The following TUT7 variants were observed in gnomAD, a reference collection of about 807,000 sequenced individuals.
The protein encoded by TUT7 is terminal uridylyltransferase 7.
TUT7 carries 33 observed loss-of-function variants against 165.9 expected under a neutral mutation model. The observed-to-expected ratio is 0.20, with a 90% CI of 0.15 to 0.27. The LOEUF is 0.27. Ranked by LOEUF, TUT7 falls within the 10% of genes least tolerant of loss-of-function variation. The pLI, the probability that TUT7 is intolerant of heterozygous loss-of-function variation, is 1.00. For synonymous variants in TUT7, 552 were observed against 608.1 expected (o/e 0.91, Z 1.36); for missense variants, 1,338 against 1,762.3 (o/e 0.76, Z 4.31).
intron 25 of TUT7, among the ~76,000 whole-genome samples, chr9:86,302,810 T>C (rs575035926): frequency 6.6e-6 from 1 of 152,018 alleles, no homozygotes; most frequent in Non-Finnish European, 1.5e-5. Flanking sequence ...GGTTTCACCA[T>C]GTGGGTCAGG....
In TUT7 at chr9:86,311,783, C is replaced by T. The variant is rs960227254; in HGVS notation, c.3275-974G>A. On this transcript the variant is annotated intron_variant, in intron 17 of 26. Coordinates refer to ENST00000375963, the MANE Select transcript of TUT7 (RefSeq NM_024617.4). The surrounding 1 kb of genome is among the most constrained non-coding windows in gnomAD (Gnocchi z 4.4). ...TGCAGGTGCGCGCCGCCACGCCTGA[C>T]TGGTTTTCGTATTTTTTTGGTGGAG... Among the ~76,000 whole-genome samples, 2 of 152,192 alleles carry T rather than the reference C, an allele frequency of 1.3e-5. No individual in the cohort carries two copies. Among genetic ancestry groups the T allele is most frequent in the Non-Finnish European group, 2.9e-5 (2 of 68,036 alleles).
rs140829511 is a variant in TUT7 at position 86,311,632 on chromosome 9, ACGGTCTCCCTCTGATGC to A, written c.3275-840_3275-824del. ...ACGGTCTCCCTCTCCCTCTCTTTCC[ACGGTCTCCCTCTGATGC>A]CGGTCTCCCTCTGATGCCGAGCCGA... On this transcript the variant is annotated intron_variant, in intron 17 of 26. Transcript: ENST00000375963. This position sits in a 1 kb window ranked among gnomAD's most constrained non-coding sequence, Gnocchi z 4.4. Among the ~76,000 whole-genome samples, 5 of 146,920 alleles carry A rather than the reference ACGGTCTCCCTCTGATGC, an allele frequency of 3.4e-5. No individual in the cohort carries two copies. The highest frequency in any genetic ancestry group is 5.1e-5 in the African/African-American group (2 of 39,220).
intron 26 of TUT7, chr9:86,298,738 C>T (rs762250464): frequency 5.2e-6 from 5 of 961,888 alleles, no homozygotes; most frequent in Non-Finnish European, 6.2e-6. Context: ...TAAAATAACA[C>T]ACATTTGTTT....
At chr9:86,345,211 C>T (rs1831651066) in intron 4 of TUT7, 57 bp from the exon 5 acceptor site, 1 of 1,525,558 alleles carries the variant, frequency 6.6e-7, no homozygotes, top group African/African-American at 1.4e-5. Flanking sequence ...TGACCTTCTA[C>T]CACTCATGAA....
chr9:86,351,112 GT>G (rs1309648718), intron 2 of TUT7, among the ~76,000 whole-genome samples: 1 of 146,748 alleles, frequency 6.8e-6, no homozygotes, highest in Non-Finnish European at 1.5e-5. Context: ...TCCAGCCTGG[GT>G]GACACAGTGA....
At chr9:86,301,143 C>T in intron 26 of TUT7, 133 bp downstream of exon 26, 1 of 864,450 alleles carries the variant, frequency 1.2e-6, no homozygotes, top group South Asian at 1.9e-5. Flanking sequence ...ATTTTACTTT[C>T]TTAAAAACAA....
At chr9:86,309,410 G>T in intron 20 of TUT7, 53 bp downstream of exon 20, 3 of 1,519,106 alleles carry the variant, frequency 2.0e-6, no homozygotes, top group Non-Finnish European at 2.7e-6. Context: ...GAGGAGAAAG[G>T]CTCAGAGATC....
At chr9:86,294,615 A>G (rs1000381661) in intron 26 of TUT7, among the ~76,000 whole-genome samples, 1 of 151,902 alleles carries the variant, frequency 6.6e-6, no homozygotes, top group Non-Finnish European at 1.5e-5. Context: ...GAAAAGGAAC[A>G]GTTTCATTCA....
intron 6 of TUT7, among the ~76,000 whole-genome samples, chr9:86,342,409 G>GT (rs1012370182): frequency 3.3e-5 from 5 of 152,162 alleles, no homozygotes; most frequent in South Asian, 2.1e-4. Context: ...TCAGTTTTTT[G>GT]TTTTTTTAAG....
At chr9:86,312,774 ATTC>A (rs947300877) in intron 17 of TUT7, among the ~76,000 whole-genome samples, 5 of 152,304 alleles carry the variant, frequency 3.3e-5, no homozygotes, top group African/African-American at 1.2e-4. Context: ...ACTAAGAAAA[ATTC>A]TTCTGCCTTG....
At position 86,323,702 on chromosome 9, in the gene TUT7, G is replaced by A; in HGVS notation, c.2048C>T (p.Thr683Ile). 2 of 1,614,016 alleles carry A rather than the reference G, an allele frequency of 1.2e-6. No individual in the cohort carries two copies. The highest frequency in any genetic ancestry group is 1.7e-6 in the Non-Finnish European group (2 of 1,179,886). Residue 683 changes from threonine to isoleucine, a missense_variant, in exon 13 of 27, where the codon ACC becomes ATC. Physicochemically the swap from Thr to Ile is moderately conservative, Grantham distance 89. Coordinates refer to ENST00000375963, the MANE Select transcript of TUT7 (RefSeq NM_024617.4). ...CTTACAGGTATTTGCAGCTGAACTG[G>A]TAGCACCAGGACCTTGGGCCAAAAC... The part of the protein sequence containing the change: ...NSVLAQGPGA[T>I]SSAANTCKVQ...
chr9:86,319,184 G>A, intron 15 of TUT7, 126 bp from the exon 16 acceptor site: 1 of 617,268 alleles, frequency 1.6e-6, no homozygotes, highest in Non-Finnish European at 2.7e-6. Context: ...TCATACTTAT[G>A]TTCTCTGATT....
chr9:86,305,090 G>C, intron 23 of TUT7, 102 bp downstream of exon 23: 1 of 1,274,724 alleles, frequency 7.8e-7, no homozygotes, highest in Non-Finnish European at 1.1e-6. Context: ...GAGCCCAGGA[G>C]TTTGAGACCA....
rs1449312037 is a variant in TUT7, at chr9:86,299,885, C to T, written c.4420+1391G>A. Among the ~76,000 whole-genome samples the T allele has an allele frequency of 3.9e-5, 6 of 152,262 alleles. No homozygotes were observed. The East Asian group carries it at 9.7e-4, about 24-fold the overall frequency. ...AATTTTAGGAATAATTTTGGGAATA[C>T]TATTTAAAAGTTATCTATACTATTT... On this transcript the variant is annotated intron_variant, in intron 26 of 26. Transcript: ENST00000375963.
At position 86,323,197 on chromosome 9, in the gene TUT7, G is replaced by C; in HGVS notation, c.2553C>G (p.Asp851Glu). 6.2e-7 allele frequency: 1 copy of C among 1,613,828 alleles called. No homozygotes were observed. The highest frequency in any genetic ancestry group is 8.5e-7 in the Non-Finnish European group (1 of 1,179,980). ...MIPSDEEEEDDEEEEEEEEPR... is the reference protein window; with the variant it reads ...MIPSDEEEEDEEEEEEEEEPR... ...GTTCTTCTTCCTCCTCCTCTTCTTCGTCGTCCTCCTCCTCTTCATCAGAGG... is the reference window on the plus strand; with the variant it reads ...GTTCTTCTTCCTCCTCCTCTTCTTCCTCGTCCTCCTCCTCTTCATCAGAGG... The change falls in exon 13 of 27, where the codon GAC becomes GAG. Residue 851 changes from aspartate (D) to glutamate (E), a missense_variant. By Grantham distance (45) the Asp-to-Glu change is conservative. Transcript: ENST00000375963.
chr9:86,316,270 TAGAATA>T (rs1267865941), intron 17 of TUT7, among the ~76,000 whole-genome samples: 1 of 152,218 alleles, frequency 6.6e-6, no homozygotes, highest in Non-Finnish European at 1.5e-5. Context: ...GTAAATACTC[TAGAATA>T]ATTATCCAGT....
rs569750496 is a variant in TUT7, at chr9:86,325,218, G to A, written c.1789+116C>T. 6 of 925,030 alleles carry A rather than the reference G, an allele frequency of 6.5e-6. No individual in the cohort carries two copies. In the African/African-American group the frequency reaches 6.7e-5, roughly 10 times the overall value. 57.3% of individuals were successfully genotyped at this position (925,030 alleles called of 1,614,324 possible). ...ATTCTAACTATTTATTTCCCTTTGA[G>A]GGCAGGCCTACCTTACTTGTAGGAG... On this transcript the variant is annotated intron_variant, in intron 12 of 26. Coordinates refer to ENST00000375963, the MANE Select transcript of TUT7 (RefSeq NM_024617.4).
intron 7 of TUT7, 84 bp from the exon 8 acceptor site, chr9:86,340,189 T>C: frequency 8.7e-7 from 1 of 1,150,246 alleles, no homozygotes; most frequent in South Asian, 1.3e-5. Context: ...AAGTACCAGT[T>C]GTCCCTTAGC....
In TUT7 at chr9:86,328,355, C is replaced by A. The variant is rs554365000; in HGVS notation, c.1593G>T (p.Pro531=). 4 of 1,601,314 alleles carry A rather than the reference C, an allele frequency of 2.5e-6. No homozygotes were observed. The highest frequency in any genetic ancestry group is 1.7e-5 in the Admixed American group (1 of 57,628). The change falls in exon 11 of 27, where the codon CCG becomes CCT. Residue 531 remains proline, a synonymous_variant. Coordinates refer to ENST00000375963, the MANE Select transcript of TUT7 (RefSeq NM_024617.4). ...ITKEEAPRET[P]IKRGQVSLIL... ...GAGAACAGACCTGTCCCCTTTTAAT[C>A]GGCGTTTCTCTTGGTGCCTCTTCTT...
Sources: gnomAD v4.1 joint callset for allele counts (sites outside exome capture counted in the v4.1 genomes callset) on GRCh38, gnomAD v4.1.1 for gene constraint, Gnocchi (gnomAD v3.1) non-coding constraint, MANE v1.5 for transcripts, NCBI Gene and HGNC (gene_info 2026-07-23, HGNC 2026-07-21) for gene names.